TGFA: variants seen among roughly 807,000 people sequenced by gnomAD.
TGFA encodes transforming growth factor alpha, also known as protransforming growth factor alpha.
In TGFA, 12 loss-of-function variants were observed where a neutral mutation model predicts 21.7. That is an observed-to-expected ratio of 0.55 (90% CI 0.35 to 0.90). The LOEUF (loss-of-function observed/expected upper bound fraction) is 0.90, where lower values mean the gene tolerates loss of function less well. Among genes scored for constraint, TGFA ranks in the 40% least tolerant of loss-of-function variants. The pLI is 0.01. For synonymous variants in TGFA, 79 were observed against 88.1 expected (o/e 0.90, Z 0.58); for missense variants, 178 against 210.8 (o/e 0.84, Z 0.96).
chr2:70,549,496 A>G (rs1338088137), intron 1 of TGFA, among the ~76,000 whole-genome samples: 4 of 152,170 alleles, frequency 2.6e-5, no homozygotes, highest in African/African-American at 9.7e-5. Context: ...GCAGTGGAGG[A>G]GGCCTGGCCA....
chr2:70,521,606 G>GTTTTTTTTTT (rs1559133439), intron 1 of TGFA, among the ~76,000 whole-genome samples: 5 of 98,260 alleles, frequency 5.1e-5, no homozygotes, highest in African/African-American at 4.2e-5. Flanking sequence ...TTTTTTTGTT[G>GTTTTTTTTTT]TTGTTTGTTT....
intron 2 of TGFA, among the ~76,000 whole-genome samples, chr2:70,496,478 A>G (rs899552378): frequency 3.6e-4 from 55 of 152,344 alleles, no homozygotes; most frequent in Middle Eastern, 3.4e-3. Context: ...AGATACAGAA[A>G]GAGGCAAAAA....
At chr2:70,472,600 G>A (rs1670789449) in intron 2 of TGFA, among the ~76,000 whole-genome samples, 1 of 152,150 alleles carries the variant, frequency 6.6e-6, no homozygotes, top group African/African-American at 2.4e-5. Context: ...TAGTTCAGAG[G>A]AGCCAGGGAG....
At chr2:70,465,769 A>AG (rs782145187) in intron 2 of TGFA, 33 bp from the exon 3 acceptor site, 9 of 1,611,592 alleles carry the variant, frequency 5.6e-6, no homozygotes, top group Non-Finnish European at 6.8e-6. Context: ...GCTCAGATCC[A>AG]GGAACAGCTG....
chr2:70,535,499 G>T (rs1039110104), intron 1 of TGFA, among the ~76,000 whole-genome samples: 3 of 152,218 alleles, frequency 2.0e-5, no homozygotes, highest in African/African-American at 7.2e-5. Flanking sequence ...TAAGCATTAA[G>T]TAAAGAAAGT....
intron 2 of TGFA, among the ~76,000 whole-genome samples, chr2:70,489,055 C>T (rs375129322): frequency 6.6e-5 from 10 of 152,178 alleles, no homozygotes; most frequent in South Asian, 2.1e-4. Flanking sequence ...GTCAGCAGCA[C>T]GGGCCCCAGT....
chr2:70,490,926 A>G (rs1671415368), intron 2 of TGFA, among the ~76,000 whole-genome samples: 1 of 152,192 alleles, frequency 6.6e-6, no homozygotes, highest in Admixed American at 6.5e-5. Flanking sequence ...AGCCATTCAT[A>G]AAATTGACTC....
At chr2:70,552,085 C>T (rs1553506906) in intron 1 of TGFA, among the ~76,000 whole-genome samples, 1 of 152,144 alleles carries the variant, frequency 6.6e-6, no homozygotes, top group African/African-American at 2.4e-5. Flanking sequence ...GGCAAAGTCC[C>T]AAAAGAGAGA....
In TGFA at chr2:70,522,109, C is replaced by T. The variant is rs115785296; in HGVS notation, c.41-7197G>A. Among the ~76,000 whole-genome samples the T allele has an allele frequency of 8.8e-3, 1,338 of 152,322 alleles. 16 individuals carry two copies. Among genetic ancestry groups the T allele is most frequent in the African/African-American group, 0.03 (1,258 of 41,578 alleles). On this transcript the variant is annotated intron_variant, in intron 1 of 5. Transcript: ENST00000295400. ...TCTTACCTGTCTCTCCTCTCTAGTG[C>T]GGTCAGGAGCTGTGGCTAAATCATC...
chr2:70,492,533 C>G (rs1339872976), intron 2 of TGFA, among the ~76,000 whole-genome samples: 1 of 152,200 alleles, frequency 6.6e-6, no homozygotes, highest in Non-Finnish European at 1.5e-5. Flanking sequence ...AGTGACTTGT[C>G]TAAGGATGCT....
At chr2:70,502,083 C>G (rs1671754296) in intron 2 of TGFA, among the ~76,000 whole-genome samples, 1 of 152,222 alleles carries the variant, frequency 6.6e-6, no homozygotes, top group Non-Finnish European at 1.5e-5. Flanking sequence ...TGGCCTTCAG[C>G]CTTTCCACAC....
chr2:70,453,205 A>C lies in TGFA; in HGVS notation c.475+13T>G. The stretch of plus-strand genomic sequence containing the variant: ...ACCCAATAGTGTCTCCCACCAGAGA[A>C]GAGTCTCCTTACCTGTTTCTGAGTG... On this transcript the variant is annotated intron_variant, in intron 5 of 5. Transcript: ENST00000295400. The C allele has an allele frequency of 2.5e-6, 4 of 1,608,722 alleles. No homozygotes were observed. The highest frequency in any genetic ancestry group is 1.1e-5 in the South Asian group (1 of 90,836).
At chr2:70,488,353 C>T (rs1401367743) in intron 2 of TGFA, among the ~76,000 whole-genome samples, 1 of 152,088 alleles carries the variant, frequency 6.6e-6, no homozygotes, top group Admixed American at 6.5e-5. Flanking sequence ...ATATTTAATT[C>T]TAAACCATCT....
intron 1 of TGFA, among the ~76,000 whole-genome samples, chr2:70,525,438 AG>A (rs559740190): frequency 1.7e-3 from 264 of 152,316 alleles, no homozygotes; most frequent in African/African-American, 6.1e-3. Flanking sequence ...TGAGTTGATA[AG>A]GGTGGCTGAT....
chr2:70,514,139 G>A (rs1316031274), intron 2 of TGFA, among the ~76,000 whole-genome samples: 1 of 152,198 alleles, frequency 6.6e-6, no homozygotes, highest in Non-Finnish European at 1.5e-5. Context: ...TAATGAGACA[G>A]CATGACATTT....
At chr2:70,526,569 C>T (rs1672642192) in intron 1 of TGFA, among the ~76,000 whole-genome samples, 1 of 152,176 alleles carries the variant, frequency 6.6e-6, no homozygotes, top group Non-Finnish European at 1.5e-5. Flanking sequence ...CATGCCAACC[C>T]CAGAGCTGTG....
Position 70,448,724 on chromosome 2 carries a change from A to G in TGFA, c.*2135T>C, listed in dbSNP as rs1352576796. 6.6e-6 allele frequency: 1 copy of G among 152,208 alleles called. No individual in the cohort carries two copies. The allele number at this position is 152,208 out of a possible 1,614,324, so 9.4% of individuals were successfully genotyped here. A position where few individuals can be genotyped will look rare whatever the true frequency, so the allele number is the denominator to read the frequency against. On this transcript the variant is annotated 3_prime_UTR_variant, in exon 6 of 6. Coordinates refer to ENST00000295400, the MANE Select transcript of TGFA (RefSeq NM_003236.4). ...GCTGGTTTCCAAAGGACTGACTTGG[A>G]AGGCACTTCTAGGGAGGCGTATATG...
chr2:70,526,862 G>A (rs1347997036), intron 1 of TGFA, among the ~76,000 whole-genome samples: 1 of 152,196 alleles, frequency 6.6e-6, no homozygotes, highest in Non-Finnish European at 1.5e-5. Flanking sequence ...GAAGAATGAA[G>A]GTGGCAGCAT....
At chr2:70,484,602 C>A (rs1212624110) in intron 2 of TGFA, among the ~76,000 whole-genome samples, 1 of 152,176 alleles carries the variant, frequency 6.6e-6, no homozygotes, top group Non-Finnish European at 1.5e-5. Context: ...AGATGTGCTA[C>A]CCACCCTTCC....
Sources: gnomAD v4.1 joint callset for allele counts (sites outside exome capture counted in the v4.1 genomes callset) on GRCh38, gnomAD v4.1.1 for gene constraint, MANE v1.5 for transcripts, NCBI Gene and HGNC (gene_info 2026-07-23, HGNC 2026-07-21) for gene names.